The following RFX8 variants were observed in gnomAD, a reference collection of about 807,000 sequenced individuals.
RFX8 encodes the protein regulatory factor X8.
RFX8 carries 46 observed loss-of-function variants against 54.6 expected under a neutral mutation model. That is an observed-to-expected ratio of 0.84 (90% CI 0.67 to 1.08). RFX8 has a LOEUF of 1.08. RFX8 is among the 50% of genes least tolerant of loss of function. RFX8 has a pLI of 0.00. For missense variants in RFX8, 536 were observed against 562.3 expected (o/e 0.95, Z 0.47); for synonymous variants, 192 against 209.5 (o/e 0.92, Z 0.72).
rs12471555 is a variant in RFX8, at chr2:101,417,759, G to T, written c.352-75C>A. The T allele has an allele frequency of 5.7e-3, 7,255 of 1,283,988 alleles. 463 individuals are homozygous for T. In the Admixed American group the frequency reaches 0.13, roughly 23 times the overall value. 79.5% of individuals were successfully genotyped at this position (1,283,988 alleles called of 1,614,324 possible). A position where few individuals can be genotyped will look rare whatever the true frequency, so the allele number is the denominator to read the frequency against. ...GGCTGAAGCTTATGCATGCCACAGG[G>T]ACAGGGCGGGTCTCAAGAAGTCTGA... On this transcript the variant is annotated intron_variant, in intron 5 of 11. Coordinates refer to ENST00000428343, the MANE Select transcript of RFX8 (RefSeq NM_001145664.2).
intron 2 of RFX8, among the ~76,000 whole-genome samples, chr2:101,434,071 C>T (rs1363789597): frequency 6.6e-6 from 1 of 151,918 alleles, no homozygotes; most frequent in Non-Finnish European, 1.5e-5. Flanking sequence ...TACCCTAGTT[C>T]TCATGAACAC....
intron 2 of RFX8, among the ~76,000 whole-genome samples, chr2:101,438,078 T>A (rs575667922): frequency 6.6e-6 from 1 of 152,160 alleles, no homozygotes; most frequent in Non-Finnish European, 1.5e-5. Context: ...ACATAGTAGG[T>A]GTATATATTT....
chr2:101,464,686 A>G (rs1230774129), intron 2 of RFX8, among the ~76,000 whole-genome samples: 1 of 152,190 alleles, frequency 6.6e-6, no homozygotes, highest in East Asian at 1.9e-4. Context: ...TGGCACCTTG[A>G]GGAATTCTAA....
intron 2 of RFX8, among the ~76,000 whole-genome samples, chr2:101,460,347 A>G (rs1689199685): frequency 6.6e-6 from 1 of 152,148 alleles, no homozygotes; most frequent in African/African-American, 2.4e-5. Context: ...AGAGCTGCAG[A>G]TAGGAGCTGT....
At chr2:101,401,824 T>C (rs994130528) in intron 11 of RFX8, among the ~76,000 whole-genome samples, 1 of 152,198 alleles carries the variant, frequency 6.6e-6, no homozygotes, top group African/African-American at 2.4e-5. Flanking sequence ...CTCCAATCTC[T>C]GTTCCACTAT....
At chr2:101,471,015 G>A (rs1436529312) in intron 1 of RFX8, among the ~76,000 whole-genome samples, 11 of 142,920 alleles carry the variant, frequency 7.7e-5, no homozygotes, top group African/African-American at 2.0e-4. Flanking sequence ...CACCGCGCCC[G>A]GCCTCTGAGT....
At chr2:101,435,640 CT>C (rs1687739446) in intron 2 of RFX8, among the ~76,000 whole-genome samples, 1 of 152,106 alleles carries the variant, frequency 6.6e-6, no homozygotes. Context: ...GGCTTGGATT[CT>C]TCCCTGAATT....
rs1340470645 is a variant in RFX8, at chr2:101,397,735, GA to G, written c.1246-12del. 1 of 1,541,318 alleles carries G rather than the reference GA, an allele frequency of 6.5e-7. No individual in the cohort carries two copies. Among genetic ancestry groups the G allele is most frequent in the Middle Eastern group, 1.7e-4 (1 of 5,936 alleles). ...CAGCACCTGGATGAGCTGCAAGAGGGAAATGTTTTAAGGGAAAAGATAAAAA... is the reference window on the plus strand; with the variant it reads ...CAGCACCTGGATGAGCTGCAAGAGGGAATGTTTTAAGGGAAAAGATAAAAA... On this transcript the variant is annotated splice_polypyrimidine_tract_variant and intron_variant, in intron 11 of 11. Coordinates refer to ENST00000428343, the MANE Select transcript of RFX8 (RefSeq NM_001145664.2).
chr2:101,402,353 G>T, intron 11 of RFX8, 83 bp downstream of exon 11: 1 of 1,164,312 alleles, frequency 8.6e-7, no homozygotes, highest in Non-Finnish European at 1.2e-6. Flanking sequence ...TTTGGACAAA[G>T]TGATCTTGAG....
At chr2:101,465,517 A>C (rs1049634051) in intron 2 of RFX8, among the ~76,000 whole-genome samples, 2 of 152,198 alleles carry the variant, frequency 1.3e-5, no homozygotes, top group African/African-American at 2.4e-5. Flanking sequence ...TCAAAAAAGC[A>C]AAAAACAAAA....
chr2:101,462,317 C>A (rs1171684122), intron 2 of RFX8, among the ~76,000 whole-genome samples: 1 of 152,068 alleles, frequency 6.6e-6, no homozygotes, highest in Non-Finnish European at 1.5e-5. Context: ...GTAGTCCCAG[C>A]TACTTGGGAG....
In RFX8 at chr2:101,399,188, T is replaced by C. The variant is rs960421312; in HGVS notation, c.1246-1464A>G. Among the ~76,000 whole-genome samples, 15 of 152,348 alleles carry C rather than the reference T, an allele frequency of 9.8e-5. No individual in the cohort carries two copies. In the East Asian group the frequency reaches 2.5e-3, roughly 25 times the overall value. On this transcript the variant is annotated intron_variant, in intron 11 of 11. Coordinates refer to ENST00000428343, the MANE Select transcript of RFX8 (RefSeq NM_001145664.2). ...GGAGGTGCAGGCCAGCGCTAAATTGTTCAGGGAATGAGGCTGCCACAGCTG... is the reference window on the plus strand; with the variant it reads ...GGAGGTGCAGGCCAGCGCTAAATTGCTCAGGGAATGAGGCTGCCACAGCTG...
intron 9 of RFX8, among the ~76,000 whole-genome samples, chr2:101,408,401 C>T (rs1377411350): frequency 1.3e-5 from 2 of 151,688 alleles, no homozygotes; most frequent in African/African-American, 2.4e-5. Flanking sequence ...AGGAGAATGG[C>T]GTGAACCCTG....
At chr2:101,426,007 C>T (rs983088682) in intron 2 of RFX8, among the ~76,000 whole-genome samples, 9 of 152,072 alleles carry the variant, frequency 5.9e-5, no homozygotes, top group Non-Finnish European at 1.2e-4. Context: ...TCACAAAAAT[C>T]TAGTTGATAT....
At chr2:101,439,010 A>G (rs935267576) in intron 2 of RFX8, among the ~76,000 whole-genome samples, 3 of 152,072 alleles carry the variant, frequency 2.0e-5, no homozygotes, top group Non-Finnish European at 4.4e-5. Flanking sequence ...ACAGGGTTTC[A>G]CTATGTTGGT....
chr2:101,414,484 G>C (rs1376111739), intron 7 of RFX8, among the ~76,000 whole-genome samples: 10 of 151,106 alleles, frequency 6.6e-5, no homozygotes, highest in Admixed American at 4.6e-4. Context: ...ATGTTGGCCA[G>C]GCTGGTCTCG....
chr2:101,409,431 T>C (rs1685955885), intron 9 of RFX8, among the ~76,000 whole-genome samples: 1 of 152,000 alleles, frequency 6.6e-6, no homozygotes, highest in African/African-American at 2.4e-5. Flanking sequence ...TTTCACCGTG[T>C]TAGCCAGAAT....
At chr2:101,416,822 G>A (rs1328673801) in intron 6 of RFX8, among the ~76,000 whole-genome samples, 3 of 152,176 alleles carry the variant, frequency 2.0e-5, no homozygotes, top group Non-Finnish European at 4.4e-5. Context: ...GCTCGCGCTT[G>A]GAAGCCACTG....
intron 2 of RFX8, among the ~76,000 whole-genome samples, chr2:101,461,092 TC>T (rs1298025022): frequency 1.3e-5 from 2 of 149,494 alleles, no homozygotes; most frequent in Admixed American, 1.3e-4. Context: ...CATGGTAAAA[TC>T]CCATCTCTAC....
Sources: allele counts gnomAD v4.1 joint callset (sites outside exome capture counted in the v4.1 genomes callset), GRCh38; gene constraint gnomAD v4.1.1; transcripts MANE v1.5; gene names NCBI Gene and HGNC (gene_info 2026-07-23, HGNC 2026-07-21).